Variants in RANBP2 observed in about 807,000 individuals in gnomAD.
The protein encoded by RANBP2 is E3 SUMO-protein ligase RanBP2.
In RANBP2, 57 loss-of-function variants were observed where a neutral mutation model predicts 303.6. That is an observed-to-expected ratio of 0.19 (90% CI 0.15 to 0.23). RANBP2 has a LOEUF of 0.23. Ranked by LOEUF, RANBP2 falls within the 10% of genes least tolerant of loss-of-function variation. The pLI is 1.00. For synonymous variants in RANBP2, 1,167 were observed against 1,301.5 expected (o/e 0.90, Z 2.23); for missense variants, 3,138 against 3,780.8 (o/e 0.83, Z 4.46).
chr2:109,472,445 G>A, the RANBP2 span, among the ~76,000 whole-genome samples: 25 of 152,286 alleles, frequency 1.6e-4, no homozygotes, highest in African/African-American at 5.3e-4. Flanking sequence ...GGGGCTTCCC[G>A]ACGGGGCTTC....
the RANBP2 span, among the ~76,000 whole-genome samples, chr2:109,154,175 A>G: frequency 3.9e-5 from 6 of 152,208 alleles, no homozygotes; most frequent in East Asian, 1.9e-4. Flanking sequence ...TCATCCCTAC[A>G]TGGGGCTCAG....
the RANBP2 span, among the ~76,000 whole-genome samples, chr2:109,611,788 C>T: frequency 6.6e-6 from 1 of 152,112 alleles, no homozygotes; most frequent in African/African-American, 2.4e-5. Flanking sequence ...TGAGGTGTCA[C>T]TATATACCTA....
chr2:109,079,393 A>C, the RANBP2 span, among the ~76,000 whole-genome samples: 5 of 152,122 alleles, frequency 3.3e-5, no homozygotes, highest in Non-Finnish European at 7.4e-5. Flanking sequence ...CTAGGGTATT[A>C]ATAGTTAAGT....
At chr2:109,640,145 C>A in the RANBP2 span, among the ~76,000 whole-genome samples, 4 of 151,292 alleles carry the variant, frequency 2.6e-5, no homozygotes, top group Non-Finnish European at 4.4e-5. Context: ...AGGAGTCCCA[C>A]GAATGCTTAG....
At chr2:109,446,872 T>C in the RANBP2 span, among the ~76,000 whole-genome samples, 1 of 152,008 alleles carries the variant, frequency 6.6e-6, no homozygotes, top group East Asian at 1.9e-4. Flanking sequence ...CAGACCCTGG[T>C]GCAGTCCCAA....
the RANBP2 span, chr2:108,883,265 A>G: frequency 6.6e-6 from 1 of 152,214 alleles, no homozygotes. Flanking sequence ...CCCAGTTGAG[A>G]TGAGACCAAA....
chr2:109,688,781 TAAAA>T, the RANBP2 span, among the ~76,000 whole-genome samples: 4 of 43,726 alleles, frequency 9.1e-5, no homozygotes, highest in Non-Finnish European at 1.3e-4. Flanking sequence ...TCTGTCTCAA[TAAAA>T]AAAAAAAAAA....
the RANBP2 span, among the ~76,000 whole-genome samples, chr2:109,550,528 G>A: frequency 1.3e-5 from 2 of 151,896 alleles, no homozygotes; most frequent in African/African-American, 4.8e-5. Flanking sequence ...TGACCAGGCT[G>A]GTCTCAAACT....
the RANBP2 span, among the ~76,000 whole-genome samples, chr2:108,966,870 T>C: frequency 6.6e-6 from 1 of 152,064 alleles, no homozygotes; most frequent in Non-Finnish European, 1.5e-5. Context: ...CATGATGAAG[T>C]GAAAGGGAGA....
At chr2:108,994,629 A>C in the RANBP2 span, among the ~76,000 whole-genome samples, 1 of 152,142 alleles carries the variant, frequency 6.6e-6, no homozygotes, top group East Asian at 1.9e-4. Flanking sequence ...AAAATCAACA[A>C]ATTCATCCTT....
the RANBP2 span, among the ~76,000 whole-genome samples, chr2:109,682,917 A>C: frequency 1.3e-5 from 2 of 152,208 alleles, no homozygotes; most frequent in Admixed American, 6.5e-5. Flanking sequence ...ATGTTCTTCA[A>C]GCCCACTGAA....
In RANBP2 at chr2:108,766,925, C is replaced by A; in HGVS notation, c.6386C>A (p.Pro2129Gln). The change falls in exon 20 of 29, where the codon CCA (proline) becomes CAA (glutamine). Residue 2129 changes from proline (P) to glutamine (Q), a missense_variant. This residue lies in a region of RANBP2 where 103 missense variants were observed against 214.3 expected (regional missense o/e 0.48). Transcript: ENST00000283195. ...LEQLAAKFKT[P>Q]ELAEEFKQKF... ...CAGTTGGCAGCAAAATTTAAAACACCAGAGCTGGCTGAAGAATTCAAGCAG... is the reference window on the plus strand; with the variant it reads ...CAGTTGGCAGCAAAATTTAAAACACAAGAGCTGGCTGAAGAATTCAAGCAG... 1 of 1,609,848 alleles carries A rather than the reference C, an allele frequency of 6.2e-7. No homozygotes were observed. The highest frequency in any genetic ancestry group is 8.5e-7 in the Non-Finnish European group (1 of 1,179,820).
At chr2:108,832,345 T>C in the RANBP2 span, among the ~76,000 whole-genome samples, 6 of 86,854 alleles carry the variant, frequency 6.9e-5, no homozygotes, top group Non-Finnish European at 1.3e-4. Flanking sequence ...TATTTCTTTC[T>C]TTTTTTTTTT....
the RANBP2 span, among the ~76,000 whole-genome samples, chr2:109,252,678 C>T: frequency 2.0e-5 from 3 of 152,206 alleles, no homozygotes; most frequent in African/African-American, 7.2e-5. Flanking sequence ...AACCTCATAG[C>T]TCAGCCTAGC....
chr2:109,463,787 C>T, the RANBP2 span, among the ~76,000 whole-genome samples: 2 of 152,332 alleles, frequency 1.3e-5, no homozygotes, highest in South Asian at 2.1e-4. Context: ...AATGATGCCT[C>T]TGTGACATGG....
At chr2:109,605,410 C>A in the RANBP2 span, 1 of 152,126 alleles carries the variant, frequency 6.6e-6, no homozygotes, top group Non-Finnish European at 1.5e-5. Flanking sequence ...ATGGAGGTTG[C>A]AGTGAGCTGA....
At chr2:108,857,609 T>A in the RANBP2 span, among the ~76,000 whole-genome samples, 1 of 152,204 alleles carries the variant, frequency 6.6e-6, no homozygotes, top group Non-Finnish European at 1.5e-5. Flanking sequence ...CTGATGTATT[T>A]TATCAACGTT....
chr2:109,677,927 T>A, the RANBP2 span, among the ~76,000 whole-genome samples: 1 of 152,186 alleles, frequency 6.6e-6, no homozygotes, highest in East Asian at 1.9e-4. Flanking sequence ...GTAAGGGGAT[T>A]TGTAGGCGCT....
the RANBP2 span, among the ~76,000 whole-genome samples, chr2:109,228,152 GC>G: frequency 1.3e-5 from 2 of 152,142 alleles, no homozygotes; most frequent in Non-Finnish European, 2.9e-5. Flanking sequence ...TGATGTACTT[GC>G]AACGTTTGGC....
Sources: gnomAD v4.1 joint callset for allele counts (sites outside exome capture counted in the v4.1 genomes callset) on GRCh38, gnomAD v4.1.1 for gene constraint, gnomAD v4.1.1 regional missense constraint, MANE v1.5 for transcripts, NCBI Gene and HGNC (gene_info 2026-07-23, HGNC 2026-07-21) for gene names.